The following MYO10 variants were observed in gnomAD, a reference collection of about 807,000 sequenced individuals.
MYO10 encodes the protein unconventional myosin-X.
A neutral mutation model predicts 257.3 loss-of-function variants in MYO10; 133 were observed. The observed-to-expected ratio is 0.52, with a 90% CI of 0.45 to 0.60. The LOEUF (loss-of-function observed/expected upper bound fraction) is 0.60. Among genes scored for constraint, MYO10 ranks in the 20% least tolerant of loss-of-function variants. The pLI is 0.00. For synonymous variants in MYO10, 1,104 were observed against 1,028.6 expected (o/e 1.07, Z -1.40); for missense variants, 2,399 against 2,635.7 (o/e 0.91, Z 1.97).
chr5:16,786,864 T>G (rs1741595711), intron 4 of MYO10, among the ~76,000 whole-genome samples: 1 of 104,088 alleles, frequency 9.6e-6, no homozygotes, highest in Non-Finnish European at 2.1e-5. Flanking sequence ...CTCTGTCATT[T>G]TTATTTAAAA....
chr5:16,842,876 G>A lies in MYO10; in HGVS notation c.121-24709C>T, dbSNP rs145389790. 7.9e-3 allele frequency among the ~76,000 whole-genome samples: 1,174 copies of A among 149,352 alleles called. 18 individuals carry two copies. The highest frequency in any genetic ancestry group is 0.027 in the African/African-American group (1,104 of 40,428). On this transcript the variant is annotated intron_variant, in intron 2 of 40. Transcript: ENST00000513610. ...ACCACTGCACTCCAGCCTGGATGAC[G>A]CAGTGAGACCCCGTCTCTACTAAAA... is the stretch of plus-strand genomic sequence containing the variant.
intron 2 of MYO10, among the ~76,000 whole-genome samples, chr5:16,869,864 CA>C (rs1259556555): frequency 9.1e-6 from 1 of 109,504 alleles, no homozygotes; most frequent in Non-Finnish European, 1.8e-5. Context: ...GACTCCATTT[CA>C]AAAAACTATA....
intron 1 of MYO10, among the ~76,000 whole-genome samples, chr5:16,892,310 C>T (rs888874140): frequency 5.3e-5 from 8 of 152,114 alleles, no homozygotes; most frequent in African/African-American, 1.7e-4. Context: ...ATACATAACA[C>T]AAAAAGATCA....
At chr5:16,725,055 T>C (rs1739301694) in intron 19 of MYO10, among the ~76,000 whole-genome samples, 1 of 149,426 alleles carries the variant, frequency 6.7e-6, no homozygotes, top group Non-Finnish European at 1.5e-5. Context: ...TGTCAGGATA[T>C]ACAGTTCTCT....
At chr5:16,778,669 CA>C (rs1741301124) in intron 9 of MYO10, among the ~76,000 whole-genome samples, 2 of 147,520 alleles carry the variant, frequency 1.4e-5, no homozygotes, top group South Asian at 4.3e-4. Context: ...TTAGCAGGAA[CA>C]CCTCTCGCTT....
chr5:16,827,084 C>T (rs1020368604), intron 2 of MYO10, among the ~76,000 whole-genome samples: 1 of 152,178 alleles, frequency 6.6e-6, no homozygotes, highest in Non-Finnish European at 1.5e-5. Context: ...TTTGCTGCTT[C>T]CTCACAAGAC....
chr5:16,683,812 C>G, intron 30 of MYO10, 68 bp downstream of exon 30: 1 of 1,512,452 alleles, frequency 6.6e-7, no homozygotes, highest in Non-Finnish European at 9.1e-7. Context: ...CGTGACCCAG[C>G]AGCACAGACA....
intron 21 of MYO10, among the ~76,000 whole-genome samples, chr5:16,707,314 C>T (rs2126567043): frequency 6.6e-6 from 1 of 152,276 alleles, no homozygotes; most frequent in South Asian, 2.1e-4. Flanking sequence ...CCTTGTGTCA[C>T]TTTGCCATGT....
chr5:16,729,328 G>T (rs892260634), intron 19 of MYO10, among the ~76,000 whole-genome samples: 1 of 152,108 alleles, frequency 6.6e-6, no homozygotes, highest in African/African-American at 2.4e-5. Context: ...CTAAAACGTG[G>T]ATTCAGAAAA....
intron 2 of MYO10, among the ~76,000 whole-genome samples, chr5:16,842,210 G>C (rs1412358500): frequency 6.6e-6 from 1 of 152,150 alleles, no homozygotes; most frequent in Non-Finnish European, 1.5e-5. Flanking sequence ...TCTGGTGATG[G>C]AGGTAGAAGT....
chr5:16,897,456 T>C (rs1259219977), intron 1 of MYO10, among the ~76,000 whole-genome samples: 2 of 152,188 alleles, frequency 1.3e-5, no homozygotes, highest in Admixed American at 1.3e-4. Flanking sequence ...CAAGCATCCC[T>C]AGATGAACCC....
rs748141358 is a variant in MYO10 at position 16,670,849 on chromosome 5, C to A, written c.5560G>T (p.Val1854Phe). 6.2e-7 allele frequency: 1 copy of A among 1,613,956 alleles called. No individual in the cohort carries two copies. Among genetic ancestry groups the A allele is most frequent in the Admixed American group, 1.7e-5 (1 of 60,004 alleles). ...GCCTTGAGTCTCTGCAGGGAATAAA[C>A]CTCTTCGAGAGGTGGGATGGCAGCG... ...LHAAIPPLEE[V>F]YSLQRLKARI... is the part of the protein sequence containing the mutation. Residue 1854 changes from valine (V) to phenylalanine (F), a missense_variant, in exon 39 of 41, where the codon GTT becomes TTT. Val to Phe is a conservative substitution (Grantham distance 50). Around this residue, in one of 3 missense-constraint regions of MYO10, gnomAD observed 1,820 missense variants for 1,939.4 expected, o/e 0.94. Transcript: ENST00000513610.
intron 19 of MYO10, chr5:16,741,687 G>T: frequency 1.5e-6 from 1 of 673,044 alleles, no homozygotes; most frequent in Non-Finnish European, 1.8e-6. Flanking sequence ...ACACTTCCGT[G>T]CCTGGAGAAA....
chr5:16,852,625 T>C (rs7719940), intron 2 of MYO10, among the ~76,000 whole-genome samples: 49,754 of 150,888 alleles, frequency 0.33, 8,722 homozygotes, highest in African/African-American at 0.45. Context: ...CCTCATTACC[T>C]TCAAGCAGAA....
intron 29 of MYO10, 83 bp from the exon 30 acceptor site, chr5:16,684,018 C>G (rs1737129343): frequency 4.9e-6 from 6 of 1,227,370 alleles, no homozygotes; most frequent in Non-Finnish European, 7.1e-6. Flanking sequence ...GCCCACAACT[C>G]CCAATCAGAC....
chr5:16,685,794 T>C lies in MYO10; in HGVS notation c.3934A>G (p.Thr1312Ala), dbSNP rs776867649. The change falls in exon 29 of 41, where the codon ACG becomes GCG. Residue 1312 changes from threonine (T) to alanine (A), a missense_variant. Physicochemically the swap from Thr to Ala is moderately conservative, Grantham distance 58. This residue lies in a region of MYO10 where 1,820 missense variants were observed against 1,939.4 expected (regional missense o/e 0.94). Coordinates refer to ENST00000513610, the MANE Select transcript of MYO10 (RefSeq NM_012334.3). ...FSVLSQVHAS[T>A]DQEIQEMHDE... ...TGCATCTCCTGGATCTCCTGGTCCG[T>C]GGACGCGTGGACCTGACTCAGCACG... The C allele has an allele frequency of 3.7e-5, 59 of 1,601,952 alleles. No individual in the cohort carries two copies. The highest frequency in any genetic ancestry group is 1.7e-6 in the Non-Finnish European group (2 of 1,174,800).
At position 16,785,418 on chromosome 5, in the gene MYO10, C is replaced by T. The variant is rs117840577; in HGVS notation, c.468-1949G>A. 4.4e-3 allele frequency among the ~76,000 whole-genome samples: 667 copies of T among 152,338 alleles called. 5 individuals carry two copies. Among genetic ancestry groups the T allele is most frequent in the South Asian group, 0.034 (166 of 4,828 alleles). On this transcript the variant is annotated intron_variant, in intron 4 of 40. Transcript: ENST00000513610. Reference sequence around the variant, plus strand: ...TATTTAAAACATATCTATATTGACGCGACAGCTGTTGGTGGCTGAGTTATT... The same window carrying T: ...TATTTAAAACATATCTATATTGACGTGACAGCTGTTGGTGGCTGAGTTATT...
rs772599832 is a variant in MYO10, at chr5:16,675,125, G to A, written c.4692C>T (p.Thr1564=). 6.2e-7 allele frequency: 1 copy of A among 1,613,826 alleles called. No individual in the cohort carries two copies. Among genetic ancestry groups the A allele is most frequent in the Non-Finnish European group, 8.5e-7 (1 of 1,179,886 alleles). ...ATATCTTGATGGCCTCATCCTGAAG[G>A]GTGGTATAGCCTTTGTCTTTGAGCA... The part of the protein sequence containing the change: ...LNLLKDKGYT[T]LQDEAIKIFN... Residue 1564 remains threonine (T), a synonymous_variant, in exon 35 of 41, where the codon ACC becomes ACT. Coordinates refer to ENST00000513610, the MANE Select transcript of MYO10 (RefSeq NM_012334.3).
chr5:16,681,337 G>T lies in MYO10; in HGVS notation c.4356C>A (p.Pro1452=). The change falls in exon 32 of 41, where the codon CCC becomes CCA. Residue 1452 remains proline (P), a synonymous_variant. Coordinates refer to ENST00000513610, the MANE Select transcript of MYO10 (RefSeq NM_012334.3). ...LVLNSLCSVV[P]PDEKIFKETG... ...TCTCTTTGAATATCTTCTCATCTGG[G>T]GGGACGACAGAGCAGAGGCTGTTGA... 6.2e-7 allele frequency: 1 copy of T among 1,613,040 alleles called. No homozygotes were observed. The highest frequency in any genetic ancestry group is 8.5e-7 in the Non-Finnish European group (1 of 1,179,684).
Sources: allele counts gnomAD v4.1 joint callset (sites outside exome capture counted in the v4.1 genomes callset), GRCh38; gene constraint gnomAD v4.1.1; regional missense constraint gnomAD v4.1.1; transcripts MANE v1.5; gene names NCBI Gene and HGNC (gene_info 2026-07-23, HGNC 2026-07-21).